Variants in MMS19 observed in about 807,000 individuals in gnomAD.
MMS19 encodes MMS19 cytosolic iron-sulfur assembly component.
A neutral mutation model predicts 129.8 loss-of-function variants in MMS19; 77 were observed. The observed-to-expected ratio is 0.59, with a 90% CI of 0.49 to 0.72. The LOEUF is 0.72. Among genes scored for constraint, MMS19 ranks in the 30% least tolerant of loss-of-function variants. The pLI is 0.00. For synonymous variants in MMS19, 491 were observed against 502.8 expected (o/e 0.98, Z 0.31); for missense variants, 1,168 against 1,266.3 (o/e 0.92, Z 1.18).
At chr10:97,492,000 T>TG (rs1054309666) in intron 1 of MMS19, among the ~76,000 whole-genome samples, 4 of 151,144 alleles carry the variant, frequency 2.6e-5, no homozygotes, top group African/African-American at 9.7e-5. Flanking sequence ...TAGCCGGGTG[T>TG]GGTAGCGCAT....
intron 1 of MMS19, among the ~76,000 whole-genome samples, chr10:97,493,098 C>T (rs2039200902): frequency 6.6e-6 from 1 of 151,804 alleles, no homozygotes; most frequent in South Asian, 2.1e-4. Context: ...TGTAACCTCT[C>T]CCTCCAGGGT....
At chr10:97,496,926 T>C (rs1405570051) in intron 1 of MMS19, among the ~76,000 whole-genome samples, 2 of 152,228 alleles carry the variant, frequency 1.3e-5, no homozygotes, top group Non-Finnish European at 2.9e-5. Flanking sequence ...AATGGTAGGA[T>C]AGATCCTAAG....
chr10:97,464,090 A>C (rs1340962689), intron 18 of MMS19, 77 bp from the exon 19 acceptor site: 4 of 1,366,562 alleles, frequency 2.9e-6, no homozygotes, highest in Non-Finnish European at 4.0e-6. Context: ...AGCAGATGAG[A>C]GGAACAAAGA....
intron 23 of MMS19, 191 bp from the exon 24 acceptor site, chr10:97,461,198 T>C (rs903222868): frequency 6.5e-6 from 4 of 611,492 alleles, no homozygotes; most frequent in Admixed American, 6.1e-5. Context: ...GGTGCTGCCA[T>C]TTGAAAAGAG....
chr10:97,462,115 C>T lies in MMS19; in HGVS notation c.2017G>A (p.Ala673Thr). Residue 673 changes from alanine (A) to threonine (T), a missense_variant, in exon 21 of 31, where the codon GCT becomes ACT. By Grantham distance (58) the Ala-to-Thr change is moderately conservative. Transcript: ENST00000438925. ...ACAATGTGTGTCACACTCTGGGCAG[C>T]TAACCTGGGGGCAGAGTACTAGGTA... ...TATTHLSPEL[A>T]AQSVTHIVPL... The T allele has an allele frequency of 6.4e-7, 1 of 1,573,676 alleles. No individual in the cohort carries two copies. The highest frequency in any genetic ancestry group is 8.6e-7 in the Non-Finnish European group (1 of 1,158,856).
chr10:97,459,115 A>G lies in MMS19; in HGVS notation c.2964+108T>C, dbSNP rs968256753. On this transcript the variant is annotated intron_variant, in intron 29 of 30. Coordinates refer to ENST00000438925, the MANE Select transcript of MMS19 (RefSeq NM_022362.5). ...ACAAGATCTGTACCTTGTAATTCAG[A>G]TCTCAATTACACACCAGGGTGGCCA... The G allele has an allele frequency of 3.6e-6, 4 of 1,122,536 alleles. No homozygotes were observed. In the African/African-American group the frequency reaches 4.7e-5, roughly 13 times the overall value. The allele number at this position is 1,122,536 out of a possible 1,614,324, so 69.5% of individuals were successfully genotyped here. A position where few individuals can be genotyped will look rare whatever the true frequency, so the allele number is the denominator to read the frequency against.
chr10:97,470,490 T>C (rs2034458666), intron 9 of MMS19, among the ~76,000 whole-genome samples: 1 of 152,190 alleles, frequency 6.6e-6, no homozygotes, highest in East Asian at 1.9e-4. Flanking sequence ...CTCCCTATGT[T>C]GCCCAGGCTG....
At chr10:97,487,322 T>C (rs908391572) in intron 1 of MMS19, among the ~76,000 whole-genome samples, 4 of 78,072 alleles carry the variant, frequency 5.1e-5, no homozygotes, top group Admixed American at 1.4e-4. Context: ...AAATTTCTTT[T>C]TTTTTTTTTT....
At chr10:97,472,603 TTTTG>T (rs1249085387) in intron 8 of MMS19, among the ~76,000 whole-genome samples, 12 of 151,936 alleles carry the variant, frequency 7.9e-5, no homozygotes, top group African/African-American at 2.9e-4. Flanking sequence ...TCCATTTTTT[TTTTG>T]TTTTTGTTTT....
At chr10:97,497,716 A>T (rs1290140370) in intron 1 of MMS19, among the ~76,000 whole-genome samples, 2 of 152,246 alleles carry the variant, frequency 1.3e-5, no homozygotes, top group African/African-American at 4.8e-5. Flanking sequence ...CAAGAACTTT[A>T]GCAAGAAACG....
chr10:97,481,138 T>G, intron 2 of MMS19, 96 bp from the exon 3 acceptor site: 1 of 814,528 alleles, frequency 1.2e-6, no homozygotes, highest in South Asian at 1.5e-5. Context: ...CCCCTGGGCA[T>G]GGAAGCAGAG....
intron 24 of MMS19, 46 bp from the exon 25 acceptor site, chr10:97,460,797 C>A: frequency 6.4e-7 from 1 of 1,561,240 alleles, no homozygotes; most frequent in Non-Finnish European, 8.7e-7. Context: ...ACACTCAAAC[C>A]CGAGAACCCT....
intron 18 of MMS19, 90 bp downstream of exon 18, chr10:97,465,715 T>C: frequency 2.4e-6 from 3 of 1,266,516 alleles, no homozygotes; most frequent in African/African-American, 3.0e-5. Flanking sequence ...ATTCTGTTAC[T>C]CTTATGTATA....
intron 1 of MMS19, among the ~76,000 whole-genome samples, chr10:97,485,862 G>A (rs28987111): frequency 0.015 from 2,284 of 152,326 alleles, 29 homozygotes; most frequent in Middle Eastern, 0.034. Context: ...GGTAACCTTT[G>A]TACACTGTTG....
intron 16 of MMS19, 54 bp downstream of exon 16, chr10:97,466,450 G>C: frequency 7.2e-7 from 1 of 1,382,686 alleles, no homozygotes. Context: ...ATCTTTTGCT[G>C]CCAATACAGA....
intron 18 of MMS19, among the ~76,000 whole-genome samples, chr10:97,465,173 A>G (rs1318801536): frequency 7.4e-6 from 1 of 135,906 alleles, no homozygotes; most frequent in Non-Finnish European, 1.6e-5. Context: ...CCATGACCAG[A>G]TAATTTTTAG....
chr10:97,463,741 GAA>G, intron 19 of MMS19, 115 bp downstream of exon 19: 2 of 995,064 alleles, frequency 2.0e-6, no homozygotes, highest in Non-Finnish European at 1.5e-6. Flanking sequence ...ACAAAGGATT[GAA>G]AATAAACCTC....
At chr10:97,459,879 T>TA (rs1684598083) in intron 26 of MMS19, 138 bp from the exon 27 acceptor site, 12 of 973,634 alleles carry the variant, frequency 1.2e-5, no homozygotes, top group Non-Finnish European at 1.9e-5. Context: ...ATAAGCAAGA[T>TA]ACGCCCATGA....
chr10:97,470,652 A>T (rs2034499809), intron 9 of MMS19, 123 bp downstream of exon 9: 1 of 618,560 alleles, frequency 1.6e-6, no homozygotes, highest in Non-Finnish European at 2.9e-6. Flanking sequence ...GCCACACAAG[A>T]CACTTGCAGG....
Sources: gnomAD v4.1 joint callset for allele counts (sites outside exome capture counted in the v4.1 genomes callset) on GRCh38, gnomAD v4.1.1 for gene constraint, MANE v1.5 for transcripts, NCBI Gene and HGNC (gene_info 2026-07-23, HGNC 2026-07-21) for gene names.